EBPL: variants seen among roughly 807,000 people sequenced by gnomAD.
EBPL encodes emopamil-binding protein-like.
A neutral mutation model predicts 19.0 loss-of-function variants in EBPL; 20 were observed. The ratio of observed to expected loss-of-function variants is 1.05; its 90% CI spans 0.74 to 1.53. The LOEUF is 1.53. Among genes scored for constraint, EBPL ranks in the 40% most tolerant of loss-of-function variants. The probability of loss-of-function intolerance (pLI) is 0.00; values close to 1 mark genes in which losing one functional copy is unlikely to be tolerated. For synonymous variants in EBPL, 107 were observed against 117.0 expected (o/e 0.91, Z 0.55); for missense variants, 219 against 261.1 (o/e 0.84, Z 1.11).
intron 1 of EBPL, among the ~76,000 whole-genome samples, chr13:49,678,404 G>A (rs1302179927): frequency 6.6e-6 from 1 of 152,210 alleles, no homozygotes; most frequent in African/African-American, 2.4e-5. Flanking sequence ...TTCAGGAGCG[G>A]GGGTGGTGCC....
chr13:49,664,135 T>C (rs1382475647), intron 2 of EBPL, among the ~76,000 whole-genome samples: 4 of 147,652 alleles, frequency 2.7e-5, no homozygotes, highest in Admixed American at 6.8e-5. Flanking sequence ...GCCTGTAATC[T>C]CAGCTACTTG....
chr13:49,684,453 T>C (rs1208197681), intron 1 of EBPL, among the ~76,000 whole-genome samples: 1 of 152,212 alleles, frequency 6.6e-6, no homozygotes, highest in Non-Finnish European at 1.5e-5. Context: ...GCTGGATCAC[T>C]TGAGGCCAGG....
chr13:49,665,486 G>T (rs920294111), intron 2 of EBPL, among the ~76,000 whole-genome samples: 1 of 152,172 alleles, frequency 6.6e-6, no homozygotes, highest in Non-Finnish European at 1.5e-5. Context: ...GGTCAGGCTG[G>T]TCTTGAACTC....
intron 1 of EBPL, among the ~76,000 whole-genome samples, chr13:49,681,200 G>A (rs1230626568): frequency 6.6e-6 from 1 of 152,098 alleles, no homozygotes; most frequent in Non-Finnish European, 1.5e-5. Flanking sequence ...ATATTTAATT[G>A]AGCTGCTAAC....
chr13:49,669,633 T>C (rs757110519), intron 2 of EBPL, 144 bp downstream of exon 2: 1 of 675,900 alleles, frequency 1.5e-6, no homozygotes, highest in Non-Finnish European at 2.4e-6. Context: ...ACGCAACCAG[T>C]AATCTACAGT....
intron 1 of EBPL, among the ~76,000 whole-genome samples, chr13:49,670,388 TAC>T (rs1345996321): frequency 2.0e-5 from 3 of 152,226 alleles, no homozygotes; most frequent in Non-Finnish European, 4.4e-5. Context: ...TATCTGCAAT[TAC>T]AGTTAGTATT....
intron 1 of EBPL, among the ~76,000 whole-genome samples, chr13:49,687,464 C>T (rs951013918): frequency 4.6e-5 from 7 of 152,144 alleles, no homozygotes; most frequent in Admixed American, 6.5e-5. Flanking sequence ...TATCTCACAT[C>T]CTGCACTGTC....
Position 49,691,432 on chromosome 13 carries a change from G to C in EBPL, c.-8C>G. On this transcript the variant is annotated 5_prime_UTR_variant, in exon 1 of 4. Transcript: ENST00000242827. ...CTCCCACTCAGCGCCCATGCTTCAG[G>C]CTTCCGACGCCAACGGCCCAGGACC... 1 of 1,334,852 alleles carries C rather than the reference G, an allele frequency of 7.5e-7. No individual in the cohort carries two copies. Among genetic ancestry groups the C allele is most frequent in the Non-Finnish European group, 9.6e-7 (1 of 1,044,684 alleles). 82.7% of individuals were successfully genotyped at this position (1,334,852 alleles called of 1,614,324 possible).
intron 2 of EBPL, among the ~76,000 whole-genome samples, chr13:49,668,009 T>C (rs1953757385): frequency 6.6e-6 from 1 of 152,210 alleles, no homozygotes; most frequent in South Asian, 2.1e-4. Flanking sequence ...CGTCAGCCTC[T>C]GGGCTTCACC....
At chr13:49,673,266 C>T (rs1014577457) in intron 1 of EBPL, among the ~76,000 whole-genome samples, 96 of 152,092 alleles carry the variant, frequency 6.3e-4, no homozygotes, top group African/African-American at 1.9e-3. Flanking sequence ...AATGACCATA[C>T]GACCCAGCAA....
In EBPL at chr13:49,684,436, C is replaced by T. The variant is rs573745353; in HGVS notation, c.171+6818G>A. On this transcript the variant is annotated intron_variant, in intron 1 of 3. Transcript: ENST00000242827. ...CTGTAATCCCAGCACTCCGGGAGGC[C>T]GAGGCAGCTGGATCACTTGAGGCCA... Among the ~76,000 whole-genome samples the T allele has an allele frequency of 2.5e-4, 38 of 152,304 alleles. 1 individual carries two copies. In the South Asian group the frequency reaches 7.5e-3, roughly 30 times the overall value.
At chr13:49,673,173 AAC>A (rs750183232) in intron 1 of EBPL, among the ~76,000 whole-genome samples, 30 of 152,214 alleles carry the variant, frequency 2.0e-4, no homozygotes, top group Non-Finnish European at 1.8e-4. Context: ...AACTGAAACA[AAC>A]ACAGATTTCT....
intron 1 of EBPL, among the ~76,000 whole-genome samples, chr13:49,683,354 C>T (rs370354606): frequency 2.8e-4 from 43 of 151,890 alleles, no homozygotes; most frequent in African/African-American, 9.4e-4. Flanking sequence ...GGTGAAACCT[C>T]GTCTCTACTA....
chr13:49,664,168 C>T (rs974160840), intron 2 of EBPL, among the ~76,000 whole-genome samples: 2 of 152,158 alleles, frequency 1.3e-5, no homozygotes, highest in African/African-American at 4.8e-5. Context: ...AAGAGAATCG[C>T]TTGAACCCAG....
chr13:49,678,696 C>G (rs1325835324), intron 1 of EBPL, among the ~76,000 whole-genome samples: 2 of 152,110 alleles, frequency 1.3e-5, no homozygotes, highest in Admixed American at 6.5e-5. Context: ...GGGAGCCGCT[C>G]TGGCCGCGGC....
At chr13:49,674,617 TAA>T (rs11318543) in intron 1 of EBPL, among the ~76,000 whole-genome samples, 2 of 145,398 alleles carry the variant, frequency 1.4e-5, no homozygotes, top group Admixed American at 6.8e-5. Flanking sequence ...TGTCAGGACT[TAA>T]AAAAAAAAAT....
chr13:49,660,889 A>T lies in EBPL; in HGVS notation c.*79T>A. ...AAAAACAAAGTGTAGACTGGAATGT[A>T]TTACATTTTGGCCAAACAAAAAGAT... On this transcript the variant is annotated 3_prime_UTR_variant, in exon 4 of 4. Coordinates refer to ENST00000242827, the MANE Select transcript of EBPL (RefSeq NM_032565.5). The T allele has an allele frequency of 8.1e-7, 1 of 1,241,206 alleles. No individual in the cohort carries two copies. Among genetic ancestry groups the T allele is most frequent in the Non-Finnish European group, 1.1e-6 (1 of 872,262 alleles). The allele number at this position is 1,241,206 out of a possible 1,614,324, so 76.9% of individuals were successfully genotyped here. A position where few individuals can be genotyped will look rare whatever the true frequency, so the allele number is the denominator to read the frequency against.
chr13:49,685,000 G>A (rs1953982029), intron 1 of EBPL, among the ~76,000 whole-genome samples: 1 of 152,138 alleles, frequency 6.6e-6, no homozygotes, highest in Non-Finnish European at 1.5e-5. Flanking sequence ...CTGCCTCCGG[G>A]GCTCAAACGA....
intron 1 of EBPL, among the ~76,000 whole-genome samples, chr13:49,685,325 T>C (rs1319361150): frequency 6.6e-6 from 1 of 152,166 alleles, no homozygotes; most frequent in Non-Finnish European, 1.5e-5. Context: ...AAAGCTGGCA[T>C]CTCAAATAAG....
Sources: gnomAD v4.1 joint callset for allele counts (sites outside exome capture counted in the v4.1 genomes callset) on GRCh38, gnomAD v4.1.1 for gene constraint, MANE v1.5 for transcripts, NCBI Gene and HGNC (gene_info 2026-07-23, HGNC 2026-07-21) for gene names.